ATRN: variants seen among roughly 807,000 people sequenced by gnomAD.
The protein encoded by ATRN is attractin-2.
Under a neutral mutation model 178.7 loss-of-function variants are expected in ATRN, and 54 were observed. The observed-to-expected ratio is 0.30, with a 90% CI of 0.24 to 0.38. The LOEUF (loss-of-function observed/expected upper bound fraction) is 0.38. Among genes scored for constraint, ATRN ranks in the 10% least tolerant of loss-of-function variants. The pLI, the probability that ATRN is intolerant of heterozygous loss-of-function variation, is 1.00. For synonymous variants in ATRN, 636 were observed against 663.0 expected (o/e 0.96, Z 0.63); for missense variants, 1,443 against 1,815.1 (o/e 0.79, Z 3.73).
At chr20:3,639,241 G>A (rs766026024) in intron 27 of ATRN, among the ~76,000 whole-genome samples, 3 of 150,112 alleles carry the variant, frequency 2.0e-5, no homozygotes, top group African/African-American at 7.6e-5. Flanking sequence ...ATTGAACATC[G>A]AATCATTGTT....
chr20:3,559,247 A>G lies in ATRN; in HGVS notation c.1113-146A>G. ...CACTTGTCCAGTGGGCCCAGGTGTC[A>G]GGTTTATTTGTGAAGGTGACAAGTG... On this transcript the variant is annotated intron_variant, in intron 6 of 28. Transcript: ENST00000262919. The G allele has an allele frequency of 4.7e-6, 3 of 644,116 alleles. 1 individual carries two copies. The highest frequency in any genetic ancestry group is 8.4e-6 in the Non-Finnish European group (3 of 355,530). The allele number at this position is 644,116 out of a possible 1,614,324, so 39.9% of individuals were successfully genotyped here. A position where few individuals can be genotyped will look rare whatever the true frequency, so the allele number is the denominator to read the frequency against.
intron 24 of ATRN, among the ~76,000 whole-genome samples, chr20:3,612,417 G>A (rs957130080): frequency 6.6e-6 from 1 of 152,138 alleles, no homozygotes; most frequent in Admixed American, 6.5e-5. Context: ...CTGTTTTAAA[G>A]GAGCTTATCT....
chr20:3,512,506 A>G (rs185742931), intron 1 of ATRN, among the ~76,000 whole-genome samples: 6,048 of 152,114 alleles, frequency 0.04, 160 homozygotes, highest in Non-Finnish European at 0.057. Flanking sequence ...CCAGTCTATC[A>G]TTGTTGGACA....
At position 3,646,903 on chromosome 20, in the gene ATRN, T is replaced by A. The variant is rs547786267; in HGVS notation, c.*56T>A. 5.7e-5 allele frequency: 92 copies of A among 1,601,394 alleles called. No homozygotes were observed. The highest frequency in any genetic ancestry group is 7.6e-5 in the Non-Finnish European group (89 of 1,173,254). The stretch of plus-strand genomic sequence containing the variant: ...GCTAGTGAGTGGCACACCAGAGCCA[T>A]CTGCAGGGAAGGGCGTGGCGGGGAA... On this transcript the variant is annotated 3_prime_UTR_variant, in exon 29 of 29. Coordinates refer to ENST00000262919, the MANE Select transcript of ATRN (RefSeq NM_139321.3).
At chr20:3,485,148 A>G (rs1408353839) in intron 1 of ATRN, among the ~76,000 whole-genome samples, 1 of 152,002 alleles carries the variant, frequency 6.6e-6, no homozygotes, top group Admixed American at 6.5e-5. Context: ...CAGAAGTGCA[A>G]AGGCAGAATT....
rs1568683766 is a variant in ATRN at position 3,489,841 on chromosome 20, G to A, written c.410+18324G>A. On this transcript the variant is annotated intron_variant, in intron 1 of 28. Transcript: ENST00000262919. ...TTATAGTTGATATTTAGGCCATGAA[G>A]CTTATATAGCCAGTAGGGAATGCGT... 20 of 1,248,826 alleles carry A rather than the reference G, an allele frequency of 1.6e-5. No individual in the cohort carries two copies. In the East Asian group the frequency reaches 3.2e-4, roughly 20 times the overall value. 77.4% of individuals were successfully genotyped at this position (1,248,826 alleles called of 1,614,324 possible).
At chr20:3,586,982 A>G (rs1043163850) in intron 18 of ATRN, among the ~76,000 whole-genome samples, 37 of 152,188 alleles carry the variant, frequency 2.4e-4, no homozygotes, top group African/African-American at 8.9e-4. Flanking sequence ...TATTTTCCTG[A>G]TAACTAATGA....
chr20:3,491,259 G>A (rs1450694106), intron 1 of ATRN, among the ~76,000 whole-genome samples: 1 of 152,054 alleles, frequency 6.6e-6, no homozygotes, highest in Admixed American at 6.6e-5. Flanking sequence ...TTGTTCTCTT[G>A]TTAACATCTC....
At chr20:3,615,319 C>T (rs2086828924) in intron 24 of ATRN, among the ~76,000 whole-genome samples, 1 of 151,240 alleles carries the variant, frequency 6.6e-6, no homozygotes, top group Admixed American at 6.6e-5. Context: ...GTCCCAGCTA[C>T]TTGCAAGGCT....
intron 1 of ATRN, among the ~76,000 whole-genome samples, chr20:3,506,356 G>T (rs1477990255): frequency 1.3e-5 from 2 of 152,134 alleles, no homozygotes; most frequent in Non-Finnish European, 2.9e-5. Context: ...TGGCATGGTG[G>T]CTCATGCTGG....
rs201550407 is a variant in ATRN at position 3,475,982 on chromosome 20, CA to C, written c.410+4473del. ...CAACAAAGTGAGAGCTCCTCACTAC[CA>C]AAAAAAAGAAAGTTAGCTGGGTGTG... On this transcript the variant is annotated intron_variant, in intron 1 of 28. Transcript: ENST00000262919. 9.9e-3 allele frequency among the ~76,000 whole-genome samples: 1,502 copies of C among 151,652 alleles called. 17 individuals are homozygous for C. Among genetic ancestry groups the C allele is most frequent in the Non-Finnish European group, 0.015 (1,017 of 67,882 alleles).
intron 25 of ATRN, among the ~76,000 whole-genome samples, chr20:3,631,477 A>AC (rs11087594): frequency 0.46 from 70,301 of 151,928 alleles, 17,726 homozygotes; most frequent in African/African-American, 0.67. Flanking sequence ...GTCTGTTGAG[A>AC]CTGTGTCCTA....
chr20:3,515,767 A>G (rs1407363035), intron 1 of ATRN, among the ~76,000 whole-genome samples: 3 of 152,190 alleles, frequency 2.0e-5, no homozygotes, highest in Non-Finnish European at 4.4e-5. Flanking sequence ...ATCCAGCAGA[A>G]GGTAAAAGTA....
intron 1 of ATRN, among the ~76,000 whole-genome samples, chr20:3,481,600 C>T (rs1045283446): frequency 6.6e-6 from 1 of 152,100 alleles, no homozygotes; most frequent in African/African-American, 2.4e-5. Flanking sequence ...CTCATCTGCG[C>T]CTGCCAAAGT....
intron 24 of ATRN, among the ~76,000 whole-genome samples, chr20:3,611,035 A>G (rs1412016642): frequency 6.6e-6 from 1 of 152,152 alleles, no homozygotes; most frequent in Admixed American, 6.5e-5. Context: ...ATAAGAATTA[A>G]CGCAATATTG....
chr20:3,584,558 G>A (rs1308185780), intron 17 of ATRN, 89 bp from the exon 18 acceptor site: 1 of 872,054 alleles, frequency 1.1e-6, no homozygotes, highest in African/African-American at 1.7e-5. Context: ...TTTGACTCAA[G>A]CCAGTTGAAT....
chr20:3,484,972 G>T (rs1333636644), intron 1 of ATRN, among the ~76,000 whole-genome samples: 1 of 149,896 alleles, frequency 6.7e-6, no homozygotes, highest in Admixed American at 6.7e-5. Flanking sequence ...TTTAGCTCAT[G>T]AGTATCTGTA....
chr20:3,576,691 G>GTCTATCTATCTATCTATCTA (rs879152299), intron 13 of ATRN, among the ~76,000 whole-genome samples, 168 bp from the exon 14 acceptor site: 13 of 55,894 alleles, frequency 2.3e-4, no homozygotes, highest in Non-Finnish European at 3.2e-4. Flanking sequence ...CTGTCTGTCT[G>GTCTATCTATCTATCTATCTA]TCTGTCTATC....
intron 17 of ATRN, 102 bp from the exon 18 acceptor site, chr20:3,584,545 A>G: frequency 1.2e-6 from 1 of 807,484 alleles, no homozygotes; most frequent in Non-Finnish European, 1.9e-6. Context: ...ACAGAATAAT[A>G]TTTTTGACTC....
Sources: gnomAD v4.1 joint callset for allele counts (sites outside exome capture counted in the v4.1 genomes callset) on GRCh38, gnomAD v4.1.1 for gene constraint, MANE v1.5 for transcripts, NCBI Gene and HGNC (gene_info 2026-07-23, HGNC 2026-07-21) for gene names.